Variants in MINPP1 observed in about 807,000 individuals in gnomAD.
MINPP1 encodes multiple inositol-polyphosphate phosphatase 1.
Under a neutral mutation model 46.1 loss-of-function variants are expected in MINPP1, and 28 were observed. That is an observed-to-expected ratio of 0.61 (90% CI 0.45 to 0.83). The LOEUF is 0.83. MINPP1 is among the 40% of genes least tolerant of loss of function. The pLI is 0.00. For missense variants in MINPP1, 603 were observed against 610.0 expected (o/e 0.99, Z 0.12); for synonymous variants, 268 against 249.1 (o/e 1.08, Z -0.72).
chr10:87,510,934 C>T (rs1851325648), intron 2 of MINPP1, among the ~76,000 whole-genome samples: 1 of 152,058 alleles, frequency 6.6e-6, no homozygotes, highest in Non-Finnish European at 1.5e-5. Flanking sequence ...TTCATTTTCC[C>T]ATATCTTCCA....
At chr10:87,508,755 T>G (rs910900695) in intron 2 of MINPP1, among the ~76,000 whole-genome samples, 4 of 152,206 alleles carry the variant, frequency 2.6e-5, no homozygotes, top group Non-Finnish European at 5.9e-5. Context: ...TGTACAAGAT[T>G]CTAGTTATAT....
chr10:87,508,656 T>A, intron 2 of MINPP1, 123 bp downstream of exon 2: 1 of 1,001,948 alleles, frequency 1.0e-6, no homozygotes, highest in Non-Finnish European at 1.5e-6. Flanking sequence ...AAGAAAATAA[T>A]ATGTTCTGGG....
chr10:87,535,630 A>G (rs559424200), intron 4 of MINPP1, among the ~76,000 whole-genome samples: 3 of 152,272 alleles, frequency 2.0e-5, no homozygotes, highest in Admixed American at 2.0e-4. Context: ...CTAGATGCTG[A>G]TTTAAAAATT....
chr10:87,505,074 C>G lies in MINPP1; in HGVS notation c.159C>G (p.Tyr53Ter). 6.2e-7 allele frequency: 1 copy of G among 1,613,630 alleles called. No homozygotes were observed. Among genetic ancestry groups the G allele is most frequent in the Non-Finnish European group, 8.5e-7 (1 of 1,179,924 alleles). ...LSPYFGTKTR[Y>*]EDVNPVLLSG... ...CCTATTTCGGCACCAAGACTCGCTA[C>G]GAGGATGTCAACCCCGTGCTATTGT... Residue 53 changes from tyrosine (Y) to a stop codon, truncating the protein, a stop_gained, in exon 1 of 5, where the codon TAC becomes TAG. Transcript: ENST00000371996. LOFTEE classifies it high-confidence loss of function. This position sits in a 1 kb window ranked among gnomAD's most constrained non-coding sequence, Gnocchi z 4.4.
intron 4 of MINPP1, among the ~76,000 whole-genome samples, chr10:87,522,543 C>T (rs1451575637): frequency 2.6e-5 from 4 of 152,070 alleles, no homozygotes; most frequent in Admixed American, 6.5e-5. Flanking sequence ...TATGTTTATA[C>T]TATAATAAGT....
intron 1 of MINPP1, among the ~76,000 whole-genome samples, chr10:87,507,496 A>T (rs1456075876): frequency 6.6e-6 from 1 of 151,822 alleles, no homozygotes; most frequent in Non-Finnish European, 1.5e-5. Context: ...ATACATACTG[A>T]TTTTTTTTGC....
intron 3 of MINPP1, among the ~76,000 whole-genome samples, chr10:87,515,832 T>A (rs1851405833): frequency 7.0e-6 from 1 of 143,788 alleles, no homozygotes; most frequent in African/African-American, 2.6e-5. Flanking sequence ...ATTTTTTTTT[T>A]TTTTTTTTTT....
intron 3 of MINPP1, among the ~76,000 whole-genome samples, chr10:87,514,792 T>C (rs1334842577): frequency 6.6e-6 from 1 of 152,114 alleles, no homozygotes; most frequent in Admixed American, 6.5e-5. Flanking sequence ...CTCAGCTAAC[T>C]GAAACCTCTG....
chr10:87,507,349 C>T (rs895646277), intron 1 of MINPP1, among the ~76,000 whole-genome samples: 13 of 152,156 alleles, frequency 8.5e-5, no homozygotes, highest in Admixed American at 7.9e-4. Flanking sequence ...TACCCAGATG[C>T]ACTTGGGAAA....
intron 4 of MINPP1, among the ~76,000 whole-genome samples, chr10:87,545,924 C>T (rs533784259): frequency 6.6e-6 from 1 of 152,296 alleles, no homozygotes; most frequent in African/African-American, 2.4e-5. Flanking sequence ...TGTTCATCTG[C>T]TTAGAGGCTT....
chr10:87,521,399 A>G lies in MINPP1; in HGVS notation c.1067+230A>G, dbSNP rs559092648. Among the ~76,000 whole-genome samples, 5 of 152,248 alleles carry G rather than the reference A, an allele frequency of 3.3e-5. No individual in the cohort carries two copies. In the South Asian group the frequency reaches 1.0e-3, roughly 32 times the overall value. On this transcript the variant is annotated intron_variant, in intron 4 of 4. Coordinates refer to ENST00000371996, the MANE Select transcript of MINPP1 (RefSeq NM_004897.5). Reference sequence around the variant, plus strand: ...CATAATAAATTGCATTTGTTTACTTATGTGTTCCTCAACTATTCCATTTTC... The same window carrying G: ...CATAATAAATTGCATTTGTTTACTTGTGTGTTCCTCAACTATTCCATTTTC...
chr10:87,515,293 A>G (rs1289678271), intron 3 of MINPP1, among the ~76,000 whole-genome samples: 3 of 152,018 alleles, frequency 2.0e-5, no homozygotes, highest in East Asian at 3.9e-4. Flanking sequence ...AGGCTGAAGC[A>G]GGAGAATCGC....
Position 87,505,095 on chromosome 10 carries a change from A to G in MINPP1, c.180A>G (p.Leu60=), listed in dbSNP as rs1851219521. Residue 60 remains leucine (L), a synonymous_variant, in exon 1 of 5, where the codon CTA becomes CTG. Coordinates refer to ENST00000371996, the MANE Select transcript of MINPP1 (RefSeq NM_004897.5). This position sits in a 1 kb window ranked among gnomAD's most constrained non-coding sequence, Gnocchi z 4.4. ...GCTACGAGGATGTCAACCCCGTGCT[A>G]TTGTCGGGCCCCGAGGCTCCGTGGC... ...KTRYEDVNPV[L]LSGPEAPWRD... 1 of 1,613,510 alleles carries G rather than the reference A, an allele frequency of 6.2e-7. No individual in the cohort carries two copies. The highest frequency in any genetic ancestry group is 8.5e-7 in the Non-Finnish European group (1 of 1,179,886).
At position 87,552,143 on chromosome 10, in the gene MINPP1, C is replaced by T. The variant is rs1589389005; in HGVS notation, c.1129C>T (p.Leu377=). Residue 377 remains leucine (L), a synonymous_variant, in exon 5 of 5, where the codon CTG becomes TTG. Transcript: ENST00000371996. ...TGGTCATGCAGAGACTCTTCTTCCA[C>T]TGCTTTCTCTCATGGGCTACTTCAA... ...QFGHAETLLP[L]LSLMGYFKDK... 6.2e-7 allele frequency: 1 copy of T among 1,613,704 alleles called. No individual in the cohort carries two copies. The highest frequency in any genetic ancestry group is 1.7e-4 in the Middle Eastern group (1 of 6,058).
At chr10:87,545,603 A>G (rs564176204) in intron 4 of MINPP1, among the ~76,000 whole-genome samples, 2 of 152,334 alleles carry the variant, frequency 1.3e-5, no homozygotes, top group Admixed American at 6.5e-5. Context: ...AATATGTCTT[A>G]TAATCCAGTG....
chr10:87,542,105 T>C (rs946234707), intron 4 of MINPP1, among the ~76,000 whole-genome samples: 13 of 152,146 alleles, frequency 8.5e-5, no homozygotes, highest in African/African-American at 3.1e-4. Flanking sequence ...CAAAGTCTCA[T>C]CTGGAGATGA....
intron 2 of MINPP1, among the ~76,000 whole-genome samples, chr10:87,512,878 T>C (rs1851355624): frequency 6.6e-6 from 1 of 152,120 alleles, no homozygotes; most frequent in Non-Finnish European, 1.5e-5. Flanking sequence ...AATTTCTTAG[T>C]TTTATTGGGC....
intron 4 of MINPP1, among the ~76,000 whole-genome samples, chr10:87,540,417 C>T (rs892996340): frequency 6.6e-6 from 1 of 151,994 alleles, no homozygotes; most frequent in Non-Finnish European, 1.5e-5. Context: ...CCTATACCTA[C>T]ATGCCTATGT....
chr10:87,523,542 G>A (rs1055510729), intron 4 of MINPP1, among the ~76,000 whole-genome samples: 6 of 149,036 alleles, frequency 4.0e-5, no homozygotes, highest in Non-Finnish European at 8.9e-5. Context: ...TGTATTTTTA[G>A]TAGAGATGGG....
Sources: gnomAD v4.1 joint callset for allele counts (sites outside exome capture counted in the v4.1 genomes callset) on GRCh38, gnomAD v4.1.1 for gene constraint, Gnocchi (gnomAD v3.1) non-coding constraint, MANE v1.5 for transcripts, NCBI Gene and HGNC (gene_info 2026-07-23, HGNC 2026-07-21) for gene names.